USH2A: variants seen among roughly 807,000 people sequenced by gnomAD.
USH2A encodes the protein usherin.
In USH2A, 443 loss-of-function variants were observed where a neutral mutation model predicts 538.9. The observed-to-expected ratio is 0.82, with a 90% confidence interval of 0.76 to 0.89. The LOEUF (loss-of-function observed/expected upper bound fraction) is 0.89. Among genes scored for constraint, USH2A ranks in the 40% least tolerant of loss-of-function variants. The probability of loss-of-function intolerance (pLI) is 0.00; values close to 1 mark genes in which losing one functional copy is unlikely to be tolerated. For synonymous variants in USH2A, 2,413 were observed against 2,273.5 expected (o/e 1.06, Z -1.75); for missense variants, 6,633 against 6,324.8 (o/e 1.05, Z -1.65).
At chr1:215,964,161 A>C (rs1039858660) in intron 37 of USH2A, among the ~76,000 whole-genome samples, 3 of 152,144 alleles carry the variant, frequency 2.0e-5, no homozygotes, top group Admixed American at 2.0e-4. Flanking sequence ...TGGCTCTTGC[A>C]TTATTCACCC....
intron 27 of USH2A, among the ~76,000 whole-genome samples, chr1:216,076,337 A>G (rs978556867): frequency 6.6e-6 from 1 of 152,204 alleles, no homozygotes; most frequent in African/African-American, 2.4e-5. Flanking sequence ...ATCTTCCAGT[A>G]TCACAGACTT....
chr1:216,014,115 T>C (rs1046191791), intron 32 of USH2A, among the ~76,000 whole-genome samples: 2 of 151,132 alleles, frequency 1.3e-5, no homozygotes, highest in Non-Finnish European at 1.5e-5. Context: ...AGAACCTAAT[T>C]TGACATGTGG....
At position 215,790,003 on chromosome 1, in the gene USH2A, T is replaced by C. The variant is rs1661934379; in HGVS notation, c.10182+56A>G. On this transcript the variant is annotated intron_variant, in intron 51 of 71. Coordinates refer to ENST00000307340, the MANE Select transcript of USH2A (RefSeq NM_206933.4). ...ATTTTAGAAAAATAGTTATGAACAA[T>C]GTATTTCTCTTTCCATTGTCAAATC... 6 of 1,521,072 alleles carry C rather than the reference T, an allele frequency of 3.9e-6. No individual in the cohort carries two copies. The South Asian group carries it at 4.5e-5, about 11-fold the overall frequency. The allele number at this position is 1,521,072 out of a possible 1,614,324, so 94.2% of individuals were successfully genotyped here. A position where few individuals can be genotyped will look rare whatever the true frequency, so the allele number is the denominator to read the frequency against.
At chr1:216,194,538 A>G (rs2034795073) in intron 19 of USH2A, among the ~76,000 whole-genome samples, 1 of 152,126 alleles carries the variant, frequency 6.6e-6, no homozygotes, top group Non-Finnish European at 1.5e-5. Flanking sequence ...TCAGACAAAC[A>G]AGAAATGGTA....
In USH2A at chr1:216,164,051, A is replaced by T. The variant is rs560546882; in HGVS notation, c.4627+11201T>A. 1.5e-4 allele frequency among the ~76,000 whole-genome samples: 23 copies of T among 152,240 alleles called. No homozygotes were observed. The South Asian group carries it at 4.3e-3, about 29-fold the overall frequency. ...AAGTCACTTGTAATTACTTAATTAC[A>T]TGTTTGATGCATGATTTCACTGCAA... is the stretch of plus-strand genomic sequence containing the variant. On this transcript the variant is annotated intron_variant, in intron 21 of 71. Coordinates refer to ENST00000307340, the MANE Select transcript of USH2A (RefSeq NM_206933.4).
At chr1:215,966,309 T>C (rs764992391) in intron 36 of USH2A, among the ~76,000 whole-genome samples, 3 of 152,196 alleles carry the variant, frequency 2.0e-5, no homozygotes, top group Non-Finnish European at 4.4e-5. Context: ...ATTTTTAATA[T>C]CTTTTAATCA....
chr1:216,104,941 C>G (rs574335975), intron 21 of USH2A, among the ~76,000 whole-genome samples: 1 of 151,978 alleles, frequency 6.6e-6, no homozygotes. Flanking sequence ...GGGCTAATAT[C>G]CAGAATCAAA....
intron 71 of USH2A, among the ~76,000 whole-genome samples, chr1:215,627,404 C>T (rs1656072543): frequency 1.1e-5 from 1 of 87,290 alleles, no homozygotes; most frequent in Non-Finnish European, 2.4e-5. Context: ...TTCCTTCCTT[C>T]CTTCCTTCCT....
chr1:216,269,394 C>A (rs2036534533), intron 11 of USH2A, among the ~76,000 whole-genome samples: 1 of 152,082 alleles, frequency 6.6e-6, no homozygotes. Context: ...TGAGGCCTCC[C>A]CAGCCATGTG....
chr1:215,899,221 T>C (rs1665428359), intron 40 of USH2A, among the ~76,000 whole-genome samples: 1 of 152,186 alleles, frequency 6.6e-6, no homozygotes, highest in Non-Finnish European at 1.5e-5. Flanking sequence ...CTTTTGAAAG[T>C]CACTTAACGT....
At position 216,246,843 on chromosome 1, in the gene USH2A, T is replaced by C. The variant is rs746148511; in HGVS notation, c.2551A>G (p.Lys851Glu). 9 of 1,614,148 alleles carry C rather than the reference T, an allele frequency of 5.6e-6. 1 individual carries two copies. The South Asian group carries it at 9.9e-5, about 18-fold the overall frequency. Residue 851 changes from lysine to glutamate, a missense_variant, in exon 13 of 72, where the codon AAG (lysine) becomes GAG (glutamate). Lys to Glu is a moderately conservative substitution (Grantham distance 56, BLOSUM62 1). Coordinates refer to ENST00000307340, the MANE Select transcript of USH2A (RefSeq NM_206933.4). ...AGAGAGCCATTTATTGTCCCAGTCTTATCACAGTTGCAAGGCAGACAGAGG... is the reference window on the plus strand; with the variant it reads ...AGAGAGCCATTTATTGTCCCAGTCTCATCACAGTTGCAAGGCAGACAGAGG... ...SFLCLPCNCD[K>E]TGTINGSLLC... is the part of the protein sequence containing the mutation.
At chr1:215,957,143 G>A (rs1160235229) in intron 37 of USH2A, among the ~76,000 whole-genome samples, 2 of 152,120 alleles carry the variant, frequency 1.3e-5, no homozygotes, top group African/African-American at 2.4e-5. Context: ...AGAGACATTT[G>A]CTTCCAAACA....
intron 20 of USH2A, among the ~76,000 whole-genome samples, 171 bp from the exon 21 acceptor site, chr1:216,175,653 T>A (rs1313962274): frequency 6.6e-6 from 1 of 152,218 alleles, no homozygotes; most frequent in Non-Finnish European, 1.5e-5. Flanking sequence ...ATAGAGTTTA[T>A]CTTAAATGCA....
At chr1:215,980,255 T>C (rs1667719324) in intron 35 of USH2A, among the ~76,000 whole-genome samples, 1 of 152,106 alleles carries the variant, frequency 6.6e-6, no homozygotes, top group African/African-American at 2.4e-5. Context: ...ATGGGTTCTA[T>C]TTTAGATGAG....
At chr1:216,298,077 C>A (rs1346541857) in intron 9 of USH2A, among the ~76,000 whole-genome samples, 1 of 152,132 alleles carries the variant, frequency 6.6e-6, no homozygotes, top group Non-Finnish European at 1.5e-5. Flanking sequence ...TAACACAATG[C>A]CCTGAGCCTA....
At chr1:216,027,451 C>G (rs1668996661) in intron 32 of USH2A, among the ~76,000 whole-genome samples, 1 of 152,120 alleles carries the variant, frequency 6.6e-6, no homozygotes, top group South Asian at 2.1e-4. Context: ...GTCATGGCAG[C>G]CCTAGCTAAC....
intron 58 of USH2A, among the ~76,000 whole-genome samples, chr1:215,756,392 G>T (rs1660793805): frequency 6.6e-6 from 1 of 152,174 alleles, no homozygotes; most frequent in Admixed American, 6.5e-5. Flanking sequence ...TAAAATAACA[G>T]ATATTTTGAT....
At chr1:216,410,928 A>G (rs1235517519) in intron 3 of USH2A, among the ~76,000 whole-genome samples, 1 of 152,134 alleles carries the variant, frequency 6.6e-6, no homozygotes, top group Admixed American at 6.6e-5. Flanking sequence ...ATACCATAAC[A>G]ACCCTTCACA....
At chr1:216,387,066 A>G (rs1041034684) in intron 3 of USH2A, among the ~76,000 whole-genome samples, 3 of 152,218 alleles carry the variant, frequency 2.0e-5, no homozygotes, top group African/African-American at 7.2e-5. Flanking sequence ...ATTACTTTGT[A>G]TGAAGCAGAA....
Sources: gnomAD v4.1 joint callset for allele counts (sites outside exome capture counted in the v4.1 genomes callset) on GRCh38, gnomAD v4.1.1 for gene constraint, MANE v1.5 for transcripts, NCBI Gene and HGNC (gene_info 2026-07-23, HGNC 2026-07-21) for gene names.